The following CCSER1 variants were observed in gnomAD, a reference collection of about 807,000 sequenced individuals.
CCSER1 encodes the protein serine-rich coiled-coil domain-containing protein 1.
In CCSER1, 41 loss-of-function variants were observed where a neutral mutation model predicts 82.0. The observed-to-expected ratio is 0.50, with a 90% CI of 0.39 to 0.65. CCSER1 has a LOEUF of 0.65. CCSER1 is among the 30% of genes least tolerant of loss of function. The pLI is 0.00. For missense variants in CCSER1, 1,119 were observed against 1,064.2 expected, an observed-to-expected ratio of 1.05 and a Z score of -0.72; for synonymous variants, 414 against 383.9, an observed-to-expected ratio of 1.08 and a Z score of -0.92.
chr4:90,336,333 T>C (rs1283724804), intron 3 of CCSER1, among the ~76,000 whole-genome samples: 8 of 152,220 alleles, frequency 5.3e-5, no homozygotes, highest in Non-Finnish European at 8.8e-5. Context: ...ACTGATAATG[T>C]GGAGGAACAA....
intron 10 of CCSER1, among the ~76,000 whole-genome samples, chr4:91,435,060 A>T (rs890516610): frequency 6.6e-6 from 1 of 152,190 alleles, no homozygotes; most frequent in African/African-American, 2.4e-5. Context: ...CATGGGCAAT[A>T]TCAAGGTTTG....
At chr4:90,553,895 ACT>A (rs1777818741) in intron 5 of CCSER1, among the ~76,000 whole-genome samples, 1 of 152,222 alleles carries the variant, frequency 6.6e-6, no homozygotes. Flanking sequence ...TCAAGGAGAT[ACT>A]GTTTACTCAC....
chr4:90,547,985 A>G (rs768573151), intron 5 of CCSER1, among the ~76,000 whole-genome samples: 1 of 152,166 alleles, frequency 6.6e-6, no homozygotes, highest in Non-Finnish European at 1.5e-5. Context: ...TAGAAAACGT[A>G]TAATTGATGT....
chr4:91,061,392 C>G (rs1743939516), intron 9 of CCSER1, among the ~76,000 whole-genome samples: 1 of 151,914 alleles, frequency 6.6e-6, no homozygotes, highest in Non-Finnish European at 1.5e-5. Flanking sequence ...GCTTTGGGTC[C>G]ACTTCCCTAA....
chr4:90,716,797 C>T (rs1442999622), intron 6 of CCSER1, among the ~76,000 whole-genome samples: 4 of 152,070 alleles, frequency 2.6e-5, no homozygotes, highest in South Asian at 2.1e-4. Flanking sequence ...AAGCACCTAA[C>T]GATGCATTTC....
At chr4:91,375,932 C>T (rs1433816709) in intron 10 of CCSER1, among the ~76,000 whole-genome samples, 1 of 151,890 alleles carries the variant, frequency 6.6e-6, no homozygotes, top group African/African-American at 2.4e-5. Flanking sequence ...CCCTACTTTA[C>T]AGGTAAAATC....
intron 7 of CCSER1, among the ~76,000 whole-genome samples, chr4:90,793,350 A>G (rs895728903): frequency 1.3e-5 from 2 of 152,066 alleles, no homozygotes; most frequent in South Asian, 4.1e-4. Flanking sequence ...GCAGCCTCCA[A>G]TAGGCCCCAG....
intron 10 of CCSER1, among the ~76,000 whole-genome samples, chr4:91,480,994 C>T (rs1282734630): frequency 6.6e-6 from 1 of 151,546 alleles, no homozygotes; most frequent in African/African-American, 2.4e-5. Context: ...CAGTCTTAGC[C>T]TTCATCTCTG....
At chr4:91,216,873 A>C (rs998866378) in intron 10 of CCSER1, among the ~76,000 whole-genome samples, 1 of 152,140 alleles carries the variant, frequency 6.6e-6, no homozygotes, top group Admixed American at 6.5e-5. Flanking sequence ...TATTGTTTGG[A>C]ACACAAACAA....
At chr4:90,671,629 G>T (rs1343355157) in intron 6 of CCSER1, among the ~76,000 whole-genome samples, 5 of 151,900 alleles carry the variant, frequency 3.3e-5, no homozygotes, top group Admixed American at 6.6e-5. Flanking sequence ...ATTTATGAGG[G>T]TTGGAATCCA....
intron 10 of CCSER1, among the ~76,000 whole-genome samples, chr4:91,272,472 A>G (rs1361130954): frequency 6.6e-6 from 1 of 151,810 alleles, no homozygotes; most frequent in African/African-American, 2.4e-5. Flanking sequence ...AATAAGTTTG[A>G]GTTTGTTGTA....
intron 1 of CCSER1, among the ~76,000 whole-genome samples, chr4:90,129,257 C>A (rs1049221262): frequency 2.6e-5 from 4 of 151,950 alleles, no homozygotes; most frequent in Admixed American, 2.0e-4. Flanking sequence ...GGTCAGTTAT[C>A]ACTGGTTCCT....
intron 5 of CCSER1, among the ~76,000 whole-genome samples, chr4:90,492,112 C>A (rs1768127614): frequency 6.6e-6 from 1 of 152,068 alleles, no homozygotes; most frequent in African/African-American, 2.4e-5. Context: ...CTCCTTGTAC[C>A]TCTGGTAGAA....
chr4:90,239,872 G>A (rs996096655), intron 1 of CCSER1, among the ~76,000 whole-genome samples: 1 of 152,122 alleles, frequency 6.6e-6, no homozygotes, highest in Non-Finnish European at 1.5e-5. Context: ...TAGAAGAATT[G>A]TGTATCAACT....
At chr4:91,471,553 T>G (rs534845706) in intron 10 of CCSER1, among the ~76,000 whole-genome samples, 1 of 152,282 alleles carries the variant, frequency 6.6e-6, no homozygotes, top group African/African-American at 2.4e-5. Context: ...TGAGACACGG[T>G]CTGCTTGTTT....
chr4:90,453,387 G>T (rs1244681257), intron 4 of CCSER1, among the ~76,000 whole-genome samples: 3 of 152,100 alleles, frequency 2.0e-5, no homozygotes, highest in Admixed American at 6.6e-5. Context: ...CCAATATCAG[G>T]GTATTACAAG....
chr4:90,452,701 C>A (rs1035892150), intron 4 of CCSER1, among the ~76,000 whole-genome samples: 7 of 152,166 alleles, frequency 4.6e-5, no homozygotes, highest in African/African-American at 1.7e-4. Context: ...TTTAATAGGT[C>A]AAAGGCCCTT....
At chr4:90,348,801 A>C (rs1037878933) in intron 3 of CCSER1, among the ~76,000 whole-genome samples, 31 of 152,160 alleles carry the variant, frequency 2.0e-4, no homozygotes, top group African/African-American at 7.2e-4. Flanking sequence ...ACAAACTATT[A>C]TGTGTATCAC....
intron 5 of CCSER1, among the ~76,000 whole-genome samples, chr4:90,559,617 T>C (rs916438241): frequency 1.3e-5 from 2 of 151,802 alleles, no homozygotes; most frequent in Non-Finnish European, 2.9e-5. Flanking sequence ...GCCCAGGAGT[T>C]TGAGGCCAGC....
Sources: gnomAD v4.1 joint callset for allele counts (sites outside exome capture counted in the v4.1 genomes callset) on GRCh38, gnomAD v4.1.1 for gene constraint, MANE v1.5 for transcripts, NCBI Gene and HGNC (gene_info 2026-07-23, HGNC 2026-07-21) for gene names.